Variants in SEMA4D observed in about 807,000 individuals in gnomAD.
SEMA4D encodes semaphorin 4D.
In SEMA4D, 22 loss-of-function variants were observed where a neutral mutation model predicts 74.8. The ratio of observed to expected loss-of-function variants is 0.29; its 90% CI spans 0.21 to 0.42. The LOEUF is 0.42. SEMA4D is among the 10% of genes least tolerant of loss of function. The pLI is 1.00. For missense variants in SEMA4D, 937 were observed against 1,118.4 expected, an observed-to-expected ratio of 0.84 and a Z score of 2.31; for synonymous variants, 445 against 463.7, an observed-to-expected ratio of 0.96 and a Z score of 0.52.
rs1223694907 is a variant in SEMA4D, at chr9:89,381,707, G to A, written c.1447-361C>T. ...CCTCCCTGCAGCAGAGGATGCATGA[G>A]CCTGGCACTCCCGGTCATCTTCCCG... is the stretch of plus-strand genomic sequence containing the variant. On this transcript the variant is annotated intron_variant, in intron 13 of 15. Transcript: ENST00000422704. The surrounding 1 kb of genome is among the most constrained non-coding windows in gnomAD (Gnocchi z 4.6). 8 of 183,184 alleles carry A rather than the reference G, an allele frequency of 4.4e-5. No homozygotes were observed. The East Asian group carries it at 1.1e-3, about 25-fold the overall frequency. 11.3% of individuals were successfully genotyped at this position (183,184 alleles called of 1,614,324 possible).
intron 18 of SEMA4D, chr9:89,363,387 C>T (rs755355289): frequency 2.4e-5 from 39 of 1,602,740 alleles, no homozygotes; most frequent in Non-Finnish European, 3.2e-5. Flanking sequence ...TGCCCTGCCC[C>T]TGGCTCCAGC....
rs993924484 is a variant in SEMA4D, at chr9:89,387,189, G to C, written c.1330+197C>G. 1.6e-4 allele frequency: 92 copies of C among 567,642 alleles called. 1 individual carries two copies. In the East Asian group the frequency reaches 2.6e-3, roughly 16 times the overall value. 35.2% of individuals were successfully genotyped at this position (567,642 alleles called of 1,614,324 possible). Reference sequence around the variant, plus strand: ...TTATTTTTAACAAGTACCTCCAGTAGCCTGGTGGTCCCAGATCTGAAAGCC... The same window carrying C: ...TTATTTTTAACAAGTACCTCCAGTACCCTGGTGGTCCCAGATCTGAAAGCC... On this transcript the variant is annotated intron_variant, in intron 12 of 15. Coordinates refer to ENST00000422704, the MANE Select transcript of SEMA4D (RefSeq NM_001371194.2).
At chr9:89,465,397 C>T (rs1170108281) in intron 1 of SEMA4D, among the ~76,000 whole-genome samples, 1 of 152,094 alleles carries the variant, frequency 6.6e-6, no homozygotes, top group Non-Finnish European at 1.5e-5. Flanking sequence ...ACAAGAGAAC[C>T]AAGGAGGTGT....
chr9:89,429,259 TGCCAAGAA>T (rs1298917992), intron 2 of SEMA4D, among the ~76,000 whole-genome samples: 1 of 152,198 alleles, frequency 6.6e-6, no homozygotes, highest in Non-Finnish European at 1.5e-5. Context: ...TGACTCTGGA[TGCCAAGAA>T]GCCTCTAATC....
At chr9:89,384,998 C>A in intron 13 of SEMA4D, 1 of 985,444 alleles carries the variant, frequency 1.0e-6, no homozygotes, top group Non-Finnish European at 1.2e-6. Flanking sequence ...CCTACAGAGA[C>A]AGGCGGGTCG....
At chr9:89,453,000 G>C (rs1193428303) in intron 2 of SEMA4D, among the ~76,000 whole-genome samples, 1 of 152,138 alleles carries the variant, frequency 6.6e-6, no homozygotes, top group Non-Finnish European at 1.5e-5. Flanking sequence ...CACCCTCCTG[G>C]GCCTCCTGAA....
At chr9:89,423,346 C>A (rs1437459053) in intron 2 of SEMA4D, among the ~76,000 whole-genome samples, 2 of 152,118 alleles carry the variant, frequency 1.3e-5, no homozygotes, top group African/African-American at 4.8e-5. Context: ...CATGTGCCAC[C>A]ATGCCTGGCT....
intron 1 of SEMA4D, among the ~76,000 whole-genome samples, chr9:89,485,218 C>A (rs1825082637): frequency 6.6e-6 from 1 of 152,178 alleles, no homozygotes; most frequent in Non-Finnish European, 1.5e-5. Context: ...TGTTGGTTCA[C>A]AAACTGTTCT....
At chr9:89,384,549 C>G (rs1462711519) in intron 13 of SEMA4D, 1 of 567,592 alleles carries the variant, frequency 1.8e-6, no homozygotes, top group African/African-American at 2.0e-5. Flanking sequence ...AAGCACCCTG[C>G]AGACAGACAG....
intron 6 of SEMA4D, among the ~76,000 whole-genome samples, chr9:89,395,752 A>T (rs1840823299): frequency 6.6e-6 from 1 of 152,116 alleles, no homozygotes; most frequent in East Asian, 1.9e-4. Context: ...CTCACCCCAG[A>T]CGTCTGTGTG....
chr9:89,451,172 T>A (rs151168294), intron 2 of SEMA4D, among the ~76,000 whole-genome samples: 3 of 152,152 alleles, frequency 2.0e-5, no homozygotes, highest in Non-Finnish European at 4.4e-5. Context: ...TTCCATCTAT[T>A]TGGGGGCTTT....
intron 9 of SEMA4D, among the ~76,000 whole-genome samples, chr9:89,389,719 A>G (rs1313521889): frequency 1.3e-5 from 2 of 152,230 alleles, no homozygotes; most frequent in Admixed American, 1.3e-4. Flanking sequence ...AGAATATGAA[A>G]TAGAAGCAGC....
chr9:89,414,155 G>A (rs576742270), intron 2 of SEMA4D, among the ~76,000 whole-genome samples: 22 of 152,302 alleles, frequency 1.4e-4, no homozygotes, highest in African/African-American at 4.8e-4. Flanking sequence ...CAGTGCTTCT[G>A]CCAGCAACAG....
chr9:89,477,793 T>C (rs1862146036), intron 1 of SEMA4D, among the ~76,000 whole-genome samples: 1 of 152,190 alleles, frequency 6.6e-6, no homozygotes, highest in African/African-American at 2.4e-5. Flanking sequence ...AAAATGCCAT[T>C]AAAATAATGG....
chr9:89,464,155 G>A (rs1370092379), intron 1 of SEMA4D, among the ~76,000 whole-genome samples: 7 of 152,116 alleles, frequency 4.6e-5, no homozygotes, highest in African/African-American at 1.4e-4. Flanking sequence ...ACCGCACTGT[G>A]AGCCTGTTTC....
chr9:89,429,662 G>C (rs1462752522), intron 2 of SEMA4D, among the ~76,000 whole-genome samples: 1 of 152,140 alleles, frequency 6.6e-6, no homozygotes, highest in Non-Finnish European at 1.5e-5. Context: ...TGAAGAGCAG[G>C]TTCCTGGGTC....
At chr9:89,488,035 C>G (rs867719271) in intron 1 of SEMA4D, among the ~76,000 whole-genome samples, 10 of 152,268 alleles carry the variant, frequency 6.6e-5, no homozygotes, top group South Asian at 4.1e-4. Flanking sequence ...CTAGAACCGA[C>G]ACTACAATTT....
At chr9:89,397,666 A>C (rs1302402734) in intron 5 of SEMA4D, among the ~76,000 whole-genome samples, 1 of 152,204 alleles carries the variant, frequency 6.6e-6, no homozygotes, top group Non-Finnish European at 1.5e-5. Flanking sequence ...ACACCCCCGG[A>C]AACCGGAGCT....
At chr9:89,443,611 G>A (rs1354404858) in intron 2 of SEMA4D, among the ~76,000 whole-genome samples, 1 of 152,202 alleles carries the variant, frequency 6.6e-6, no homozygotes, top group Non-Finnish European at 1.5e-5. Flanking sequence ...CCCTGGCCCT[G>A]CAGCGCTCAG....
Sources: gnomAD v4.1 joint callset for allele counts (sites outside exome capture counted in the v4.1 genomes callset) on GRCh38, gnomAD v4.1.1 for gene constraint, Gnocchi (gnomAD v3.1) non-coding constraint, MANE v1.5 for transcripts, NCBI Gene and HGNC (gene_info 2026-07-23, HGNC 2026-07-21) for gene names.